SP100: variants seen among roughly 807,000 people sequenced by gnomAD.
The protein encoded by SP100 is SP100 nuclear body protein, also known as nuclear autoantigen Sp-100.
In SP100, 84 loss-of-function variants were observed where a neutral mutation model predicts 130.0. That is an observed-to-expected ratio of 0.65 (90% confidence interval 0.54 to 0.77). The LOEUF (loss-of-function observed/expected upper bound fraction) is 0.77. Among genes scored for constraint, SP100 ranks in the 30% least tolerant of loss-of-function variants. SP100 has a pLI of 0.00. For synonymous variants in SP100, 331 were observed against 351.7 expected, an observed-to-expected ratio of 0.94 and a Z score of 0.66; for missense variants, 978 against 1,052.2, an observed-to-expected ratio of 0.93 and a Z score of 0.97.
intron 18 of SP100, among the ~76,000 whole-genome samples, chr2:230,497,338 G>A (rs980162196): frequency 1.3e-5 from 2 of 151,628 alleles, no homozygotes; most frequent in Admixed American, 6.6e-5. Flanking sequence ...AGATATTTAT[G>A]GTTGGACAAG....
chr2:230,454,799 C>T (rs2064185373), intron 8 of SP100, among the ~76,000 whole-genome samples: 2 of 152,100 alleles, frequency 1.3e-5, no homozygotes, highest in Admixed American at 1.3e-4. Context: ...TTTAGGTCCT[C>T]TTGGTCTAAA....
intron 2 of SP100, among the ~76,000 whole-genome samples, chr2:230,427,156 T>A (rs1280934321): frequency 8.6e-6 from 1 of 116,794 alleles, no homozygotes; most frequent in Non-Finnish European, 2.2e-5. Flanking sequence ...CTAAAAGGAG[T>A]CTCTCTCTCT....
chr2:230,449,234 A>T, intron 6 of SP100, 84 bp downstream of exon 6: 1 of 1,344,056 alleles, frequency 7.4e-7, no homozygotes, highest in South Asian at 1.2e-5. Context: ...CTTTGTGTTA[A>T]TGATTGTCCA....
Position 230,503,828 on chromosome 2 carries a change from G to A in SP100, c.1766-358G>A, listed in dbSNP as rs535466334. 2.8e-4 allele frequency among the ~76,000 whole-genome samples: 43 copies of A among 152,322 alleles called. No homozygotes were observed. The Middle Eastern group carries it at 0.01, about 36-fold the overall frequency. ...TCAATGCCTGGAATGGGGAGATGAG[G>A]CTAAAATTTGAGAGTTTGTTTTAAC... On this transcript the variant is annotated intron_variant, in intron 20 of 28. Transcript: ENST00000340126.
At chr2:230,466,397 C>A (rs761957006) in intron 12 of SP100, 43 bp downstream of exon 12, 5 of 1,005,710 alleles carry the variant, frequency 5.0e-6, no homozygotes, top group South Asian at 2.6e-5. Flanking sequence ...AAAATAACTT[C>A]TCTTCATGGT....
At chr2:230,464,013 C>T (rs2306276) in intron 10 of SP100, 54 bp from the exon 11 acceptor site, 354,264 of 1,216,914 alleles carry the variant, frequency 0.29, 55,053 homozygotes, top group Middle Eastern at 0.36. Flanking sequence ...TCCTACTGAA[C>T]TGATTCCTTG....
intron 17 of SP100, among the ~76,000 whole-genome samples, chr2:230,489,036 A>G (rs1184900394): frequency 6.6e-6 from 1 of 152,198 alleles, no homozygotes; most frequent in African/African-American, 2.4e-5. Context: ...CTGGCTTCAT[A>G]AAATGAGTTA....
At chr2:230,460,385 T>C (rs1041452906) in intron 8 of SP100, among the ~76,000 whole-genome samples, 2 of 152,068 alleles carry the variant, frequency 1.3e-5, no homozygotes, top group Non-Finnish European at 2.9e-5. Context: ...TTGGCTTCTT[T>C]TGGGAGATCT....
chr2:230,430,176 G>T (rs1048793330), intron 2 of SP100, among the ~76,000 whole-genome samples: 1 of 152,146 alleles, frequency 6.6e-6, no homozygotes, highest in Non-Finnish European at 1.5e-5. Context: ...AGCATCCATG[G>T]ACAGGCAGAG....
At chr2:230,452,864 A>G (rs1687322612) in intron 8 of SP100, among the ~76,000 whole-genome samples, 1 of 135,370 alleles carries the variant, frequency 7.4e-6, no homozygotes, top group Non-Finnish European at 1.6e-5. Flanking sequence ...TTTTGTATAT[A>G]TAAGATCAGG....
Position 230,494,460 on chromosome 2 carries a change from G to T in SP100, c.1645G>T (p.Gly549Trp). ...HRSKVNGLQR[G>W]RKKDRPRKHL... ...ATCTAAAGTAAATGGTCTCCAAAGA[G>T]GTAAGAAGAAATGTGGGGATTTACT... Residue 549 changes from glycine (G) to tryptophan (W), a missense_variant and splice_region_variant, in exon 18 of 29, where the codon GGG becomes TGG. Transcript: ENST00000340126. 6.2e-7 allele frequency: 1 copy of T among 1,606,232 alleles called. No individual in the cohort carries two copies. Among genetic ancestry groups the T allele is most frequent in the Non-Finnish European group, 8.5e-7 (1 of 1,172,926 alleles).
chr2:230,525,550 T>C (rs556550266), intron 24 of SP100, among the ~76,000 whole-genome samples: 130 of 152,082 alleles, frequency 8.5e-4, no homozygotes, highest in African/African-American at 2.7e-3. Context: ...GTTCATCTCA[T>C]TGGGACTGGT....
chr2:230,432,500 G>A (rs2063129435), intron 2 of SP100, among the ~76,000 whole-genome samples: 1 of 152,056 alleles, frequency 6.6e-6, no homozygotes, highest in Admixed American at 6.5e-5. Flanking sequence ...AATGTATAAG[G>A]GTTCAAGTTT....
chr2:230,421,504 C>CATATATATATATATATATAT (rs55963279), intron 2 of SP100, among the ~76,000 whole-genome samples: 21 of 146,282 alleles, frequency 1.4e-4, no homozygotes, highest in African/African-American at 5.0e-4. Flanking sequence ...AGAAGATATA[C>CATATATATATATATATATAT]ATATATATAT....
At chr2:230,463,889 A>G in intron 10 of SP100, 178 bp from the exon 11 acceptor site, 1 of 489,792 alleles carries the variant, frequency 2.0e-6, no homozygotes, top group Non-Finnish European at 3.8e-6. Flanking sequence ...ACAAGAATGG[A>G]GTATCACTAA....
chr2:230,425,715 AT>A lies in SP100; in HGVS notation c.107+8060del, dbSNP rs1035972685. ...TGTATATCTGGAGAAATGGCCTGTA[AT>A]TTTTTTTTTCTTGTAGTATACTAAT... On this transcript the variant is annotated intron_variant, in intron 2 of 28. Transcript: ENST00000340126. Among the ~76,000 whole-genome samples the A allele has an allele frequency of 2.9e-4, 43 of 149,586 alleles. 1 individual carries two copies. The highest frequency in any genetic ancestry group is 9.8e-4 in the African/African-American group (40 of 40,870).
intron 2 of SP100, among the ~76,000 whole-genome samples, chr2:230,441,193 A>G (rs1015489765): frequency 5.9e-5 from 9 of 152,258 alleles, no homozygotes; most frequent in African/African-American, 2.2e-4. Flanking sequence ...TAAATTGCCA[A>G]TTAACACATG....
chr2:230,445,309 G>A (rs563459533), intron 4 of SP100, among the ~76,000 whole-genome samples: 52 of 152,298 alleles, frequency 3.4e-4, no homozygotes, highest in African/African-American at 9.6e-4. Context: ...CAAGAAAAAT[G>A]GGCACATGCT....
chr2:230,478,216 A>G (rs2065663167), intron 17 of SP100, among the ~76,000 whole-genome samples: 1 of 152,216 alleles, frequency 6.6e-6, no homozygotes, highest in Non-Finnish European at 1.5e-5. Flanking sequence ...ACCTACTTGC[A>G]TATGAGAGAA....
Sources: allele counts gnomAD v4.1 joint callset (sites outside exome capture counted in the v4.1 genomes callset), GRCh38; gene constraint gnomAD v4.1.1; transcripts MANE v1.5; gene names NCBI Gene and HGNC (gene_info 2026-07-23, HGNC 2026-07-21).